LRP1B: variants seen among roughly 807,000 people sequenced by gnomAD.
The protein encoded by LRP1B is LDL receptor related protein 1B.
A neutral mutation model predicts 556.6 loss-of-function variants in LRP1B; 217 were observed. The ratio of observed to expected loss-of-function variants is 0.39; its 90% confidence interval spans 0.35 to 0.44. The LOEUF is 0.44. Ranked by LOEUF, LRP1B falls within the 20% of genes least tolerant of loss-of-function variation. The pLI, the probability that LRP1B is intolerant of heterozygous loss-of-function variation, is 1.00. For missense variants in LRP1B, 5,053 were observed against 5,620.8 expected (o/e 0.90, Z 3.23); for synonymous variants, 2,047 against 1,865.8 (o/e 1.10, Z -2.50).
At chr2:141,084,831 A>G (rs1210087757) in intron 7 of LRP1B, among the ~76,000 whole-genome samples, 1 of 151,896 alleles carries the variant, frequency 6.6e-6, no homozygotes, top group Non-Finnish European at 1.5e-5. Flanking sequence ...TTGTATTTTT[A>G]GTAGAGACGG....
chr2:141,358,288 C>G (rs1325583356), intron 3 of LRP1B, among the ~76,000 whole-genome samples: 1 of 152,146 alleles, frequency 6.6e-6, no homozygotes, highest in East Asian at 1.9e-4. Context: ...ATATAGGAAG[C>G]CACTATCACC....
At chr2:141,513,760 A>G (rs1684211003) in intron 2 of LRP1B, among the ~76,000 whole-genome samples, 1 of 150,942 alleles carries the variant, frequency 6.6e-6, no homozygotes, top group Non-Finnish European at 1.5e-5. Flanking sequence ...AAATAAAATC[A>G]CACTCCAGAT....
At chr2:140,605,647 C>T (rs1235711101) in intron 41 of LRP1B, among the ~76,000 whole-genome samples, 6 of 151,194 alleles carry the variant, frequency 4.0e-5, no homozygotes, top group African/African-American at 1.5e-4. Flanking sequence ...TTACTGCCTG[C>T]CTGCCTGCCT....
At position 140,646,336 on chromosome 2, in the gene LRP1B, G is replaced by A. The variant is rs974609295; in HGVS notation, c.6800-44697C>T. Among the ~76,000 whole-genome samples, 6 of 152,200 alleles carry A rather than the reference G, an allele frequency of 3.9e-5. No individual in the cohort carries two copies. The East Asian group carries it at 1.2e-3, about 29-fold the overall frequency. ...ACCGCATGTTTGAACATTAAAGAGA[G>A]AAGTTATATTTAGAGTTCTTACGAT... On this transcript the variant is annotated intron_variant, in intron 41 of 90. Coordinates refer to ENST00000389484, the MANE Select transcript of LRP1B (RefSeq NM_018557.3).
chr2:140,444,822 A>G (rs1037779573), intron 63 of LRP1B, 143 bp from the exon 64 acceptor site: 1 of 608,504 alleles, frequency 1.6e-6, no homozygotes, highest in African/African-American at 1.9e-5. Context: ...GATAGCTATT[A>G]GATTCAAATG....
At chr2:142,107,498 G>A (rs1706789187) in intron 1 of LRP1B, among the ~76,000 whole-genome samples, 1 of 152,128 alleles carries the variant, frequency 6.6e-6, no homozygotes, top group Non-Finnish European at 1.5e-5. Flanking sequence ...GGACATCCAA[G>A]CCTCCAGAAA....
intron 56 of LRP1B, among the ~76,000 whole-genome samples, chr2:140,494,602 G>A (rs1341332185): frequency 7.2e-5 from 8 of 110,508 alleles, no homozygotes; most frequent in Admixed American, 1.1e-4. Context: ...GCGAGACTCC[G>A]TCTCAAAAAA....
intron 7 of LRP1B, among the ~76,000 whole-genome samples, chr2:141,180,545 A>G (rs769047016): frequency 6.6e-6 from 1 of 151,956 alleles, no homozygotes; most frequent in African/African-American, 2.4e-5. Flanking sequence ...GGAAATGTTC[A>G]TATAGCTTCC....
chr2:142,058,657 C>T (rs1704775526), intron 1 of LRP1B, among the ~76,000 whole-genome samples: 1 of 152,052 alleles, frequency 6.6e-6, no homozygotes, highest in South Asian at 2.1e-4. Flanking sequence ...TGATTGGACA[C>T]CCCTGCTTTA....
intron 2 of LRP1B, among the ~76,000 whole-genome samples, chr2:141,787,998 C>A (rs1469792372): frequency 2.0e-5 from 3 of 151,890 alleles, no homozygotes; most frequent in Non-Finnish European, 4.4e-5. Flanking sequence ...GAATTCTGTC[C>A]TAACTCTGTG....
At chr2:140,912,081 T>A (rs575886192) in intron 21 of LRP1B, among the ~76,000 whole-genome samples, 1 of 151,882 alleles carries the variant, frequency 6.6e-6, no homozygotes, top group Non-Finnish European at 1.5e-5. Context: ...CTCTTCCTAT[T>A]GATTTTTTAG....
chr2:141,591,926 C>T (rs10178963), intron 2 of LRP1B, among the ~76,000 whole-genome samples: 7 of 151,974 alleles, frequency 4.6e-5, no homozygotes, highest in Admixed American at 4.6e-4. Context: ...AAAATCTTCT[C>T]GTGGCCCAAT....
At chr2:141,802,412 T>G (rs1350967028) in intron 2 of LRP1B, among the ~76,000 whole-genome samples, 8 of 152,206 alleles carry the variant, frequency 5.3e-5, no homozygotes, top group Admixed American at 5.2e-4. Flanking sequence ...TCTGCCATCC[T>G]GAAAATCAGA....
chr2:141,088,569 G>A (rs1001960225), intron 7 of LRP1B, among the ~76,000 whole-genome samples: 1 of 152,052 alleles, frequency 6.6e-6, no homozygotes, highest in Non-Finnish European at 1.5e-5. Context: ...TTTATGATAC[G>A]GGTGAGGCAC....
At chr2:141,906,297 C>G (rs542324247) in intron 1 of LRP1B, among the ~76,000 whole-genome samples, 1 of 151,768 alleles carries the variant, frequency 6.6e-6, no homozygotes, top group East Asian at 1.9e-4. Flanking sequence ...GATATAGACA[C>G]GACACAAATT....
At chr2:141,840,973 T>G (rs1484819095) in intron 1 of LRP1B, among the ~76,000 whole-genome samples, 1 of 151,038 alleles carries the variant, frequency 6.6e-6, no homozygotes, top group East Asian at 1.9e-4. Context: ...TTTTAAGAGA[T>G]AAATTGGCTT....
rs570750635 is a variant in LRP1B, at chr2:140,276,551, A to C, written c.12968-1953T>G. Among the ~76,000 whole-genome samples, 369 of 133,040 alleles carry C rather than the reference A, an allele frequency of 2.8e-3. 4 individuals are homozygous for C. Among genetic ancestry groups the C allele is most frequent in the Middle Eastern group, 7.9e-3 (2 of 254 alleles). The allele number at this position is 133,040 out of a possible 152,430, so 87.3% of individuals were successfully genotyped here. A position where few individuals can be genotyped will look rare whatever the true frequency, so the allele number is the denominator to read the frequency against. ...TATTTATGAAGAGTATATCAACAGC[A>C]GTCTATGTGATCATCCAGGACAGCC... is the stretch of plus-strand genomic sequence containing the variant. On this transcript the variant is annotated intron_variant, in intron 84 of 90. Transcript: ENST00000389484.
intron 2 of LRP1B, among the ~76,000 whole-genome samples, chr2:141,752,089 T>G (rs1380037743): frequency 6.6e-6 from 1 of 152,084 alleles, no homozygotes; most frequent in Non-Finnish European, 1.5e-5. Flanking sequence ...ATTTAGCTGG[T>G]ATTTTATATG....
At chr2:141,827,626 C>G (rs1368900402) in intron 1 of LRP1B, among the ~76,000 whole-genome samples, 1 of 152,084 alleles carries the variant, frequency 6.6e-6, no homozygotes, top group African/African-American at 2.4e-5. Context: ...GTTTGAGCAT[C>G]AACTTTGATG....
Sources: allele counts gnomAD v4.1 joint callset (sites outside exome capture counted in the v4.1 genomes callset), GRCh38; gene constraint gnomAD v4.1.1; transcripts MANE v1.5; gene names NCBI Gene and HGNC (gene_info 2026-07-23, HGNC 2026-07-21).